Variants in SLC24A3 observed in about 807,000 individuals in gnomAD.
SLC24A3 encodes the protein sodium/potassium/calcium exchanger 3.
Under a neutral mutation model 75.8 loss-of-function variants are expected in SLC24A3, and 28 were observed. The ratio of observed to expected loss-of-function variants is 0.37; its 90% CI spans 0.27 to 0.51. The LOEUF is 0.51. Among genes scored for constraint, SLC24A3 ranks in the 20% least tolerant of loss-of-function variants. The probability of loss-of-function intolerance (pLI) is 0.94; values close to 1 mark genes in which losing one functional copy is unlikely to be tolerated. For missense variants in SLC24A3, 663 were observed against 847.8 expected, an observed-to-expected ratio of 0.78 and a Z score of 2.71; for synonymous variants, 372 against 334.1, an observed-to-expected ratio of 1.11 and a Z score of -1.24.
Position 19,700,705 on chromosome 20 carries a change from T to C in SLC24A3, c.1719+2025T>C, listed in dbSNP as rs146865122. Among the ~76,000 whole-genome samples the C allele has an allele frequency of 3.1e-3, 468 of 152,350 alleles. 3 individuals are homozygous for C. Among genetic ancestry groups the C allele is most frequent in the South Asian group, 0.015 (71 of 4,822 alleles). On this transcript the variant is annotated intron_variant, in intron 15 of 16. Transcript: ENST00000328041. Reference sequence around the variant, plus strand: ...ATGTAGGCAATTTTATACATTGCTTTTTATACTTCCTGTTATATCAAACGT... The same window carrying C: ...ATGTAGGCAATTTTATACATTGCTTCTTATACTTCCTGTTATATCAAACGT...
At chr20:19,688,229 C>A (rs2032702157) in intron 12 of SLC24A3, among the ~76,000 whole-genome samples, 2 of 152,238 alleles carry the variant, frequency 1.3e-5, no homozygotes, top group African/African-American at 4.8e-5. Context: ...GCCCCCCATC[C>A]TGTGACACTG....
chr20:19,222,790 T>TCCCTC (rs1318158450), intron 1 of SLC24A3, among the ~76,000 whole-genome samples: 1 of 108,988 alleles, frequency 9.2e-6, no homozygotes. Flanking sequence ...CCTCCCTTCC[T>TCCCTC]TCCTTCCTTC....
intron 2 of SLC24A3, among the ~76,000 whole-genome samples, chr20:19,344,981 C>A (rs1244816675): frequency 6.6e-6 from 1 of 152,158 alleles, no homozygotes; most frequent in African/African-American, 2.4e-5. Context: ...AAGCCCTAGA[C>A]AATGTAGTGA....
chr20:19,475,565 A>T (rs556130132), intron 2 of SLC24A3, among the ~76,000 whole-genome samples: 24 of 152,226 alleles, frequency 1.6e-4, no homozygotes, highest in Non-Finnish European at 3.1e-4. Context: ...AGAAACTAAT[A>T]GTTCTTCCAG....
At chr20:19,715,462 G>A (rs1024773662) in intron 15 of SLC24A3, among the ~76,000 whole-genome samples, 9 of 152,138 alleles carry the variant, frequency 5.9e-5, no homozygotes, top group South Asian at 2.1e-4. Flanking sequence ...CTTTATTCTC[G>A]GGAAGGCATT....
chr20:19,628,892 T>A (rs934811618), intron 6 of SLC24A3, among the ~76,000 whole-genome samples: 6 of 152,056 alleles, frequency 3.9e-5, no homozygotes, highest in Non-Finnish European at 5.9e-5. Flanking sequence ...CTGAAGACAG[T>A]CCATAGAGAC....
intron 2 of SLC24A3, among the ~76,000 whole-genome samples, chr20:19,373,283 C>T (rs897592629): frequency 2.0e-5 from 3 of 152,200 alleles, no homozygotes; most frequent in South Asian, 4.1e-4. Flanking sequence ...AGGCCTCTCT[C>T]GGAGGCCCTT....
chr20:19,332,278 G>A (rs1985016498), intron 2 of SLC24A3, among the ~76,000 whole-genome samples: 1 of 152,144 alleles, frequency 6.6e-6, no homozygotes, highest in African/African-American at 2.4e-5. Flanking sequence ...ACAGAAGCCA[G>A]TGGGCCACCG....
intron 2 of SLC24A3, among the ~76,000 whole-genome samples, chr20:19,314,540 C>G (rs1223696988): frequency 6.6e-6 from 1 of 152,114 alleles, no homozygotes; most frequent in Non-Finnish European, 1.5e-5. Context: ...TTCTCATACT[C>G]TCGGGCTCTA....
In SLC24A3 at chr20:19,427,515, G is replaced by C. The variant is rs530769974; in HGVS notation, c.272-87973G>C. The stretch of plus-strand genomic sequence containing the variant: ...TCTTGACTTTTCAAATACCATTTGC[G>C]CTTTAGTGTTCCACTGGGGGCTGGG... On this transcript the variant is annotated intron_variant, in intron 2 of 16. Coordinates refer to ENST00000328041, the MANE Select transcript of SLC24A3 (RefSeq NM_020689.4). Among the ~76,000 whole-genome samples, 502 of 152,336 alleles carry C rather than the reference G, an allele frequency of 3.3e-3. 3 individuals are homozygous for C. Among genetic ancestry groups the C allele is most frequent in the African/African-American group, 0.011 (474 of 41,572 alleles).
intron 2 of SLC24A3, among the ~76,000 whole-genome samples, chr20:19,410,321 C>T (rs9679928): frequency 0.012 from 1,870 of 152,160 alleles, 40 homozygotes; most frequent in African/African-American, 0.043. Flanking sequence ...GCGAACCCAG[C>T]GTGCGGTCAT....
At chr20:19,304,351 T>C (rs1343826638) in intron 2 of SLC24A3, among the ~76,000 whole-genome samples, 1 of 151,700 alleles carries the variant, frequency 6.6e-6, no homozygotes, top group African/African-American at 2.4e-5. Context: ...TCTCGTAGTT[T>C]CCTCATCTTT....
intron 2 of SLC24A3, among the ~76,000 whole-genome samples, chr20:19,415,905 A>C (rs1986820967): frequency 6.6e-6 from 1 of 152,172 alleles, no homozygotes; most frequent in Non-Finnish European, 1.5e-5. Flanking sequence ...TCCTTGAAAG[A>C]CCTTTTTCTC....
intron 3 of SLC24A3, among the ~76,000 whole-genome samples, chr20:19,529,183 ATG>A (rs774616249): frequency 2.0e-5 from 3 of 151,852 alleles, no homozygotes; most frequent in Non-Finnish European, 2.9e-5. Context: ...GTGTGTATAT[ATG>A]TGTGTGTGTA....
chr20:19,431,176 C>T (rs1213470370), intron 2 of SLC24A3, among the ~76,000 whole-genome samples: 1 of 152,082 alleles, frequency 6.6e-6, no homozygotes, highest in African/African-American at 2.4e-5. Flanking sequence ...AACCCAGCCC[C>T]ATGTGACATC....
chr20:19,296,268 CTTT>C (rs35229035), intron 2 of SLC24A3, among the ~76,000 whole-genome samples: 8 of 72,302 alleles, frequency 1.1e-4, no homozygotes, highest in Admixed American at 5.7e-4. Context: ...AGCTAGTGGT[CTTT>C]TTTTTTTTTT....
At chr20:19,486,561 C>T (rs971790619) in intron 2 of SLC24A3, among the ~76,000 whole-genome samples, 2 of 152,222 alleles carry the variant, frequency 1.3e-5, no homozygotes, top group African/African-American at 4.8e-5. Flanking sequence ...CATGGCCCCA[C>T]ACCCAACCCA....
chr20:19,662,956 T>C (rs1185189759), intron 7 of SLC24A3, among the ~76,000 whole-genome samples: 1 of 152,144 alleles, frequency 6.6e-6, no homozygotes, highest in Non-Finnish European at 1.5e-5. Context: ...TAATTTCCAG[T>C]CTTCGGAAGA....
At chr20:19,646,937 C>T (rs1600319723) in intron 6 of SLC24A3, among the ~76,000 whole-genome samples, 1 of 152,012 alleles carries the variant, frequency 6.6e-6, no homozygotes, top group East Asian at 1.9e-4. Context: ...TCCTCATGCC[C>T]CACCCGTGGC....
Sources: gnomAD v4.1 joint callset for allele counts (sites outside exome capture counted in the v4.1 genomes callset) on GRCh38, gnomAD v4.1.1 for gene constraint, MANE v1.5 for transcripts, NCBI Gene and HGNC (gene_info 2026-07-23, HGNC 2026-07-21) for gene names.